The following SCYL1 variants were observed in gnomAD, a reference collection of about 807,000 sequenced individuals.
SCYL1 encodes N-terminal kinase-like protein.
In SCYL1, 85 loss-of-function variants were observed where a neutral mutation model predicts 94.8. The observed-to-expected ratio is 0.90, with a 90% confidence interval of 0.75 to 1.07. The LOEUF (loss-of-function observed/expected upper bound fraction) is 1.07. SCYL1 is among the 50% of genes least tolerant of loss of function. The probability of loss-of-function intolerance (pLI) is 0.00; values close to 1 mark genes in which losing one functional copy is unlikely to be tolerated. For synonymous variants in SCYL1, 459 were observed against 435.5 expected (o/e 1.05, Z -0.67); for missense variants, 968 against 1,083.3 (o/e 0.89, Z 1.49).
intron 2 of SCYL1, 103 bp from the exon 3 acceptor site, chr11:65,525,818 C>G: frequency 1.3e-6 from 2 of 1,579,734 alleles, no homozygotes; most frequent in South Asian, 2.3e-5. Flanking sequence ...CCCAGCACCC[C>G]CAGATTTGGT....
In SCYL1 at chr11:65,532,689, C is replaced by T; in HGVS notation, c.1117-3C>T. The T allele has an allele frequency of 6.2e-7, 1 of 1,612,490 alleles. No individual in the cohort carries two copies. The highest frequency in any genetic ancestry group is 8.5e-7 in the Non-Finnish European group (1 of 1,178,620). On this transcript the variant is annotated splice_region_variant and splice_polypyrimidine_tract_variant and intron_variant, in intron 8 of 17. Coordinates refer to ENST00000270176, the MANE Select transcript of SCYL1 (RefSeq NM_020680.4). ...TGTTGACGCATCCCAACCTGGGCCA[C>T]AGATGGAGCAGTTCATCCAGTACCT...
At position 65,535,313 on chromosome 11, in the gene SCYL1, T is replaced by C. The variant is rs375023975; in HGVS notation, c.1317T>C (p.Asp439=). Residue 439 remains aspartate, a synonymous_variant, in exon 10 of 18, where the codon GAT becomes GAC. Coordinates refer to ENST00000270176, the MANE Select transcript of SCYL1 (RefSeq NM_020680.4). The part of the protein sequence containing the change: ...MKHFARLQAK[D]EQGPIRCNTT... ...ACTTTGCACGGCTACAGGCCAAGGA[T>C]GAACAGGGCCCCATCCGCTGCAACA... 1.4e-5 allele frequency: 22 copies of C among 1,614,120 alleles called. No homozygotes were observed. The African/African-American group carries it at 2.8e-4, about 21-fold the overall frequency.
chr11:65,525,469 G>A (rs1855026488), intron 1 of SCYL1, 105 bp from the exon 2 acceptor site: 2 of 1,394,078 alleles, frequency 1.4e-6, no homozygotes, highest in Admixed American at 4.9e-5. Flanking sequence ...TGGGCCCGGC[G>A]AAGTGTCCCT....
intron 9 of SCYL1, among the ~76,000 whole-genome samples, chr11:65,533,516 C>T (rs1028159254): frequency 1.3e-5 from 2 of 152,240 alleles, no homozygotes; most frequent in Admixed American, 1.3e-4. Flanking sequence ...CAGTGGCTTA[C>T]GCCTGTGATC....
chr11:65,538,366 G>T (rs1422011218), intron 17 of SCYL1, 42 bp downstream of exon 17: 1 of 1,539,386 alleles, frequency 6.5e-7, no homozygotes, highest in Admixed American at 2.0e-5. Flanking sequence ...AGGGCTCCCC[G>T]ACTAGCCCGC....
At chr11:65,527,244 G>T in intron 6 of SCYL1, 127 bp downstream of exon 6, 1 of 1,044,282 alleles carries the variant, frequency 9.6e-7, no homozygotes, top group East Asian at 2.5e-5. Context: ...GCCAATCCGG[G>T]TTCAAACCCA....
In SCYL1 at chr11:65,538,634, G is replaced by T; in HGVS notation, c.*68G>T. On this transcript the variant is annotated 3_prime_UTR_variant, in exon 18 of 18. Coordinates refer to ENST00000270176, the MANE Select transcript of SCYL1 (RefSeq NM_020680.4). ...CAGATGTATTTATTGTACAAACCAT[G>T]TGAGCCCGGCCGGCCCAGCCAGGCC... 1 of 1,531,022 alleles carries T rather than the reference G, an allele frequency of 6.5e-7. No individual in the cohort carries two copies. 94.8% of individuals were successfully genotyped at this position (1,531,022 alleles called of 1,614,324 possible).
Position 65,526,838 on chromosome 11 carries a change from C to T in SCYL1, c.658C>T (p.Leu220=), listed in dbSNP as rs763976003. Residue 220 remains leucine (L), a synonymous_variant, in exon 5 of 18, where the codon CTA becomes TTA. Transcript: ENST00000270176. This position sits in a 1 kb window ranked among gnomAD's most constrained non-coding sequence, Gnocchi z 4.1. ...CATTTGGGAAGTCTTCAATGGGCCC[C>T]TACCTCGGGCAGCAGCCCTACGCAA... is the stretch of plus-strand genomic sequence containing the variant. The part of the protein sequence containing the change: ...CLIWEVFNGP[L]PRAAALRNPG... 3.1e-6 allele frequency: 5 copies of T among 1,613,366 alleles called. No individual in the cohort carries two copies. The highest frequency in any genetic ancestry group is 4.2e-6 in the Non-Finnish European group (5 of 1,179,960).
chr11:65,537,474 T>C, intron 14 of SCYL1, among the ~76,000 whole-genome samples: 1 of 151,596 alleles, frequency 6.6e-6, no homozygotes, highest in East Asian at 1.9e-4. Context: ...CCAGTTCTGC[T>C]TGGGGGATGG....
intron 17 of SCYL1, 54 bp from the exon 18 acceptor site, chr11:65,538,388 C>A: frequency 1.3e-6 from 2 of 1,539,668 alleles, no homozygotes; most frequent in African/African-American, 1.4e-5. Context: ...CCTACAGGCC[C>A]CCGGCAGGCA....
At chr11:65,532,895 A>G (rs904694921) in intron 9 of SCYL1, 90 bp downstream of exon 9, 3 of 972,288 alleles carry the variant, frequency 3.1e-6, no homozygotes, top group Admixed American at 1.9e-5. Context: ...GCTTTGGCCC[A>G]TGGGTCCAAG....
intron 9 of SCYL1, chr11:65,533,149 C>T (rs764996901): frequency 7.6e-6 from 2 of 264,114 alleles, no homozygotes; most frequent in East Asian, 8.7e-5. Flanking sequence ...TGGCTGGTCA[C>T]GGTGGCTCAC....
intron 10 of SCYL1, 164 bp downstream of exon 10, chr11:65,535,546 G>A (rs933213945): frequency 1.2e-5 from 11 of 881,974 alleles, no homozygotes; most frequent in East Asian, 2.7e-5. Context: ...TGAGTTGGCC[G>A]AAGTCACACA....
intron 1 of SCYL1, 122 bp downstream of exon 1, chr11:65,525,386 G>A (rs1855022849): frequency 3.8e-6 from 4 of 1,047,190 alleles, no homozygotes; most frequent in South Asian, 1.8e-5. Context: ...GCAGGCCGGG[G>A]AGGGGGCGGG....
Position 65,538,180 on chromosome 11 carries a change from C to T in SCYL1, c.2245C>T (p.Gln749Ter), listed in dbSNP as rs774713360. 3.8e-6 allele frequency: 6 copies of T among 1,580,976 alleles called. No individual in the cohort carries two copies. The Admixed American group carries it at 5.4e-5, about 14-fold the overall frequency. The change falls in exon 16 of 18, where the codon CAG becomes TAG. Residue 749 changes from glutamine to a stop codon, truncating the protein, a stop_gained and splice_region_variant. Coordinates refer to ENST00000270176, the MANE Select transcript of SCYL1 (RefSeq NM_020680.4). LOFTEE classifies it high-confidence loss of function. ...TACCCTGTCTGCACGTCCCAGCACC[C>T]AGGTACCCAGCACAGGTCTGGCGAG... ...FATLSARPSTQPRPDSWGEDN... is the reference protein window; with the variant it reads ...FATLSARPST
chr11:65,525,086 C>G lies in SCYL1; in HGVS notation c.-68C>G. 8.9e-7 allele frequency: 1 copy of G among 1,125,758 alleles called. No individual in the cohort carries two copies. The allele number at this position is 1,125,758 out of a possible 1,614,324, so 69.7% of individuals were successfully genotyped here. A position where few individuals can be genotyped will look rare whatever the true frequency, so the allele number is the denominator to read the frequency against. ...ACGCAGGCCCCGCCCCCTCTCCGCC[C>G]CGCCCCGGCTCGGGCGGCCGGAGGA... On this transcript the variant is annotated 5_prime_UTR_variant, in exon 1 of 18. Transcript: ENST00000270176.
At chr11:65,536,499 C>T in intron 12 of SCYL1, 87 bp from the exon 13 acceptor site, 1 of 1,492,704 alleles carries the variant, frequency 6.7e-7, no homozygotes, top group Non-Finnish European at 9.2e-7. Flanking sequence ...GGAGGGGTGG[C>T]TGCAGGGCAC....
In SCYL1 at chr11:65,538,703, C is replaced by CT. The variant is rs1855873089; in HGVS notation, c.*137_*138insT. On this transcript the variant is annotated 3_prime_UTR_variant, in exon 18 of 18. Coordinates refer to ENST00000270176, the MANE Select transcript of SCYL1 (RefSeq NM_020680.4). ...CAGAGCCACAATAAATTCTATTTCA[C>CT]ACCCCTTGTGCCGGGCTCAGTCTAG... 5 of 1,193,644 alleles carry CT rather than the reference C, an allele frequency of 4.2e-6. No homozygotes were observed. In the African/African-American group the frequency reaches 7.7e-5, roughly 18 times the overall value. 73.9% of individuals were successfully genotyped at this position (1,193,644 alleles called of 1,614,324 possible).
chr11:65,529,742 T>C (rs1364318338), intron 6 of SCYL1, among the ~76,000 whole-genome samples: 2 of 152,208 alleles, frequency 1.3e-5, no homozygotes, highest in Non-Finnish European at 2.9e-5. Context: ...CTTGACCCTC[T>C]GTCTCCTCCT....
Sources: gnomAD v4.1 joint callset for allele counts (sites outside exome capture counted in the v4.1 genomes callset) on GRCh38, gnomAD v4.1.1 for gene constraint, Gnocchi (gnomAD v3.1) non-coding constraint, MANE v1.5 for transcripts, NCBI Gene and HGNC (gene_info 2026-07-23, HGNC 2026-07-21) for gene names.